ERC1: variants seen among roughly 807,000 people sequenced by gnomAD.
ERC1 encodes the protein ELKS/RAB6-interacting/CAST family member 1, also known as RAB6 interacting protein 2.
A neutral mutation model predicts 132.0 loss-of-function variants in ERC1; 56 were observed. The observed-to-expected ratio is 0.42, with a 90% CI of 0.34 to 0.53. ERC1 has a LOEUF of 0.53. Among genes scored for constraint, ERC1 ranks in the 20% least tolerant of loss-of-function variants. The pLI is 0.03. For missense variants in ERC1, 1,202 were observed against 1,349.9 expected (o/e 0.89, Z 1.72); for synonymous variants, 478 against 476.1 (o/e 1.00, Z -0.05).
rs149070879 is a variant in ERC1, at chr12:1,090,913, C to T, written c.1086+7333C>T. On this transcript the variant is annotated intron_variant, in intron 3 of 18. Transcript: ENST00000360905. ...TTATTATTATTATTATTATTATTAT[C>T]ATTTGTGACAGAGCTTTGCTCTGTC... is the stretch of plus-strand genomic sequence containing the variant. Among the ~76,000 whole-genome samples the T allele has an allele frequency of 6.3e-3, 192 of 30,318 alleles. 58 individuals are homozygous for T. Among genetic ancestry groups the T allele is most frequent in the Middle Eastern group, 0.056 (3 of 54 alleles). 19.9% of individuals were successfully genotyped at this position (30,318 alleles called of 152,430 possible). A position where few individuals can be genotyped will look rare whatever the true frequency, so the allele number is the denominator to read the frequency against.
intron 8 of ERC1, among the ~76,000 whole-genome samples, chr12:1,163,274 T>G (rs780498354): frequency 2.0e-5 from 3 of 152,232 alleles, no homozygotes; most frequent in Non-Finnish European, 2.9e-5. Context: ...TTTTTTTACC[T>G]TGTTATAGTG....
chr12:1,341,585 C>T (rs11832938), intron 15 of ERC1, among the ~76,000 whole-genome samples: 9,481 of 149,620 alleles, frequency 0.063, 368 homozygotes, highest in East Asian at 0.13. Flanking sequence ...ACTGCATGTT[C>T]TCACTCATAG....
At chr12:1,294,696 T>C (rs974748539) in intron 15 of ERC1, among the ~76,000 whole-genome samples, 3 of 152,234 alleles carry the variant, frequency 2.0e-5, no homozygotes, top group Admixed American at 2.0e-4. Context: ...AGGTTAATTA[T>C]TGTAGGTAGG....
At chr12:1,245,581 T>C (rs566896589) in intron 13 of ERC1, among the ~76,000 whole-genome samples, 10 of 152,342 alleles carry the variant, frequency 6.6e-5, no homozygotes, top group African/African-American at 2.4e-4. Flanking sequence ...GTAATTCCTT[T>C]TGGCAGAAAG....
At chr12:1,323,258 G>GA (rs147335889) in intron 15 of ERC1, among the ~76,000 whole-genome samples, 5 of 149,776 alleles carry the variant, frequency 3.3e-5, no homozygotes, top group African/African-American at 4.9e-5. Flanking sequence ...TGGTAATGGG[G>GA]AAAAAAAAAG....
chr12:1,263,343 C>A (rs1224637945), intron 14 of ERC1, among the ~76,000 whole-genome samples, 178 bp downstream of exon 14: 1 of 152,164 alleles, frequency 6.6e-6, no homozygotes, highest in African/African-American at 2.4e-5. Flanking sequence ...GATGTGGTTT[C>A]TTTTGTGTCA....
At chr12:1,373,342 A>G (rs2087471444) in intron 16 of ERC1, among the ~76,000 whole-genome samples, 1 of 152,238 alleles carries the variant, frequency 6.6e-6, no homozygotes, top group African/African-American at 2.4e-5. Flanking sequence ...GCTTGAATAC[A>G]TAGGCCTATG....
chr12:1,315,510 C>T (rs796588931), intron 15 of ERC1, among the ~76,000 whole-genome samples: 5 of 152,132 alleles, frequency 3.3e-5, no homozygotes, highest in African/African-American at 9.6e-5. Context: ...GCCACAACGC[C>T]TAGCTAATTT....
chr12:1,004,840 G>T (rs1467820655), intron 1 of ERC1, among the ~76,000 whole-genome samples: 1 of 83,236 alleles, frequency 1.2e-5, no homozygotes, highest in African/African-American at 5.0e-5. Context: ...GTGTGTGTGT[G>T]TGTGTGTGTA....
At chr12:1,034,561 G>A (rs1343302594) in intron 2 of ERC1, among the ~76,000 whole-genome samples, 1 of 152,172 alleles carries the variant, frequency 6.6e-6, no homozygotes, top group Non-Finnish European at 1.5e-5. Context: ...GTGTGTGTGT[G>A]TATCAAATTT....
chr12:1,489,324 G>T (rs138495584), intron 18 of ERC1, among the ~76,000 whole-genome samples: 179 of 152,284 alleles, frequency 1.2e-3, no homozygotes, highest in African/African-American at 3.4e-3. Flanking sequence ...CATTTCCTCA[G>T]ACTCCTCAGG....
chr12:1,141,434 T>C (rs1259447323), intron 7 of ERC1, among the ~76,000 whole-genome samples, 186 bp from the exon 8 acceptor site: 4 of 152,196 alleles, frequency 2.6e-5, no homozygotes, highest in African/African-American at 9.7e-5. Context: ...AACATAGTTG[T>C]AGAGATTCCA....
At chr12:1,459,503 G>A (rs1230394426) in intron 18 of ERC1, among the ~76,000 whole-genome samples, 1 of 152,072 alleles carries the variant, frequency 6.6e-6, no homozygotes, top group Non-Finnish European at 1.5e-5. Context: ...CAAGTAAATG[G>A]GGGAGAAAGG....
chr12:1,216,618 G>C (rs1021488836), intron 12 of ERC1, among the ~76,000 whole-genome samples: 1 of 141,092 alleles, frequency 7.1e-6, no homozygotes, highest in Non-Finnish European at 1.5e-5. Flanking sequence ...GGAGGGATGG[G>C]GGGTGGGGGG....
chr12:1,473,545 A>G (rs2093908992), intron 18 of ERC1, among the ~76,000 whole-genome samples: 1 of 150,016 alleles, frequency 6.7e-6, no homozygotes, highest in African/African-American at 2.5e-5. Flanking sequence ...CAGGAAGATC[A>G]CTTGAGCCCA....
chr12:1,265,200 C>G (rs576172560), intron 14 of ERC1, among the ~76,000 whole-genome samples: 1 of 152,242 alleles, frequency 6.6e-6, no homozygotes, highest in African/African-American at 2.4e-5. Flanking sequence ...TGATTTTACC[C>G]TTTTTATATT....
intron 8 of ERC1, among the ~76,000 whole-genome samples, chr12:1,158,579 G>T (rs1278081875): frequency 6.6e-6 from 1 of 150,764 alleles, no homozygotes; most frequent in Non-Finnish European, 1.5e-5. Flanking sequence ...ACAGGCATGC[G>T]CCACCATGCC....
At chr12:1,358,725 A>G (rs1336496461) in intron 15 of ERC1, among the ~76,000 whole-genome samples, 1 of 152,182 alleles carries the variant, frequency 6.6e-6, no homozygotes, top group Non-Finnish European at 1.5e-5. Flanking sequence ...TGGGTTCTGC[A>G]GGGGAAAGCT....
intron 16 of ERC1, among the ~76,000 whole-genome samples, chr12:1,389,922 A>C (rs917954857): frequency 6.6e-6 from 1 of 152,242 alleles, no homozygotes; most frequent in Non-Finnish European, 1.5e-5. Flanking sequence ...ACAACAACAA[A>C]AAAACCCTTG....
Sources: gnomAD v4.1 joint callset for allele counts (sites outside exome capture counted in the v4.1 genomes callset) on GRCh38, gnomAD v4.1.1 for gene constraint, MANE v1.5 for transcripts, NCBI Gene and HGNC (gene_info 2026-07-23, HGNC 2026-07-21) for gene names.